FAM13C: variants seen among roughly 807,000 people sequenced by gnomAD.
FAM13C encodes family with sequence similarity 13 member C, also known as protein FAM13C.
Under a neutral mutation model 73.2 loss-of-function variants are expected in FAM13C, and 37 were observed. That is an observed-to-expected ratio of 0.51 (90% confidence interval 0.39 to 0.67). The LOEUF (loss-of-function observed/expected upper bound fraction) is 0.67. Among genes scored for constraint, FAM13C ranks in the 30% least tolerant of loss-of-function variants. The probability of loss-of-function intolerance (pLI) is 0.00; values close to 1 mark genes in which losing one functional copy is unlikely to be tolerated. For synonymous variants in FAM13C, 246 were observed against 260.9 expected, an observed-to-expected ratio of 0.94 and a Z score of 0.55; for missense variants, 589 against 715.6, an observed-to-expected ratio of 0.82 and a Z score of 2.02.
intron 4 of FAM13C, 114 bp from the exon 5 acceptor site, chr10:59,302,978 T>A: frequency 1.2e-6 from 1 of 823,824 alleles, no homozygotes; most frequent in Admixed American, 2.3e-5. Flanking sequence ...CTTGGTTGTG[T>A]CCCACTGCCT....
chr10:59,272,484 C>T (rs1451191874), intron 6 of FAM13C, among the ~76,000 whole-genome samples: 1 of 152,166 alleles, frequency 6.6e-6, no homozygotes, highest in Non-Finnish European at 1.5e-5. Context: ...GGGAAGAGTC[C>T]AGGCCACTGC....
intron 5 of FAM13C, among the ~76,000 whole-genome samples, chr10:59,297,707 C>T (rs374572938): frequency 6.6e-6 from 1 of 152,146 alleles, no homozygotes; most frequent in African/African-American, 2.4e-5. Context: ...GGATCTCAAA[C>T]CTTCTAAACA....
rs371828375 is a variant in FAM13C at position 59,269,791 on chromosome 10, G to A, written c.803+108C>T. 231 of 1,312,842 alleles carry A rather than the reference G, an allele frequency of 1.8e-4. 2 individuals carry two copies. The highest frequency in any genetic ancestry group is 4.2e-4 in the African/African-American group (29 of 68,476). The allele number at this position is 1,312,842 out of a possible 1,614,324, so 81.3% of individuals were successfully genotyped here. ...TTTATTGTTCCAGTCTCGCAGTTGC[G>A]TTAGGCAGGCACATTTGTGCTACTT... On this transcript the variant is annotated intron_variant, in intron 7 of 13. Transcript: ENST00000618804.
At chr10:59,333,565 AC>A (rs1228174426) in intron 3 of FAM13C, among the ~76,000 whole-genome samples, 1 of 152,140 alleles carries the variant, frequency 6.6e-6, no homozygotes, top group East Asian at 1.9e-4. Flanking sequence ...GGAAAAGCCC[AC>A]CTTTTATTCC....
At chr10:59,302,027 G>A (rs199522221) in intron 5 of FAM13C, among the ~76,000 whole-genome samples, 16 of 172 alleles carry the variant, frequency 0.093, no homozygotes, top group South Asian at 0.45. Context: ...ACAATTTGCG[G>A]TAAAGCCCCA....
At chr10:59,344,934 C>T (rs371475380) in intron 3 of FAM13C, among the ~76,000 whole-genome samples, 126 of 152,286 alleles carry the variant, frequency 8.3e-4, no homozygotes, top group Middle Eastern at 6.8e-3. Context: ...GCCCCATGGA[C>T]GCTCTTCTTC....
intron 4 of FAM13C, among the ~76,000 whole-genome samples, chr10:59,319,116 CACATT>C (rs1041521231): frequency 7.3e-6 from 1 of 137,842 alleles, no homozygotes; most frequent in African/African-American, 3.1e-5. Context: ...CACACACACA[CACATT>C]GTCTATCTCA....
chr10:59,261,617 C>T (rs1172820289), intron 10 of FAM13C, among the ~76,000 whole-genome samples: 1 of 151,888 alleles, frequency 6.6e-6, no homozygotes, highest in Non-Finnish European at 1.5e-5. Context: ...GTAAGAAGTT[C>T]AAGATGTAGT....
intron 5 of FAM13C, among the ~76,000 whole-genome samples, chr10:59,289,345 C>T (rs1019755876): frequency 6.6e-6 from 1 of 152,190 alleles, no homozygotes; most frequent in African/African-American, 2.4e-5. Context: ...GACCCCTGAT[C>T]TACACCACTG....
chr10:59,283,897 G>A (rs753833573), intron 5 of FAM13C, among the ~76,000 whole-genome samples: 5 of 152,198 alleles, frequency 3.3e-5, no homozygotes, highest in Non-Finnish European at 5.9e-5. Flanking sequence ...CCTGGCTACC[G>A]TTCATAAAAG....
chr10:59,354,124 T>A (rs1855410911), intron 2 of FAM13C, among the ~76,000 whole-genome samples: 1 of 152,138 alleles, frequency 6.6e-6, no homozygotes, highest in Non-Finnish European at 1.5e-5. Flanking sequence ...TCAAGAATTT[T>A]AAAAAATAGC....
intron 4 of FAM13C, among the ~76,000 whole-genome samples, chr10:59,317,696 A>T (rs1453363920): frequency 2.0e-5 from 3 of 152,072 alleles, no homozygotes; most frequent in Non-Finnish European, 4.4e-5. Context: ...ATTCTTGTCT[A>T]GCTTTCTATT....
At chr10:59,285,793 G>C (rs1194994874) in intron 5 of FAM13C, among the ~76,000 whole-genome samples, 1 of 152,182 alleles carries the variant, frequency 6.6e-6, no homozygotes, top group African/African-American at 2.4e-5. Flanking sequence ...GGTTAGATGA[G>C]GAAGCAATAC....
chr10:59,356,539 G>C (rs1253791672), intron 1 of FAM13C, among the ~76,000 whole-genome samples: 1 of 152,124 alleles, frequency 6.6e-6, no homozygotes, highest in African/African-American at 2.4e-5. Context: ...ATAGGATGAA[G>C]CCTTTGTTCC....
At chr10:59,278,000 T>C (rs1202644593) in intron 6 of FAM13C, among the ~76,000 whole-genome samples, 1 of 152,204 alleles carries the variant, frequency 6.6e-6, no homozygotes, top group Non-Finnish European at 1.5e-5. Context: ...AAGAGGTTTA[T>C]TGGACTCACA....
Position 59,312,973 on chromosome 10 carries a change from T to A in FAM13C, c.444-10109A>T, listed in dbSNP as rs866543832. Among the ~76,000 whole-genome samples, 4 of 152,308 alleles carry A rather than the reference T, an allele frequency of 2.6e-5. 1 individual carries two copies. The South Asian group carries it at 8.3e-4, about 32-fold the overall frequency. ...GATTTCATCTGTTCAGCATTTTTCA[T>A]CTCCAATCCACTTCTTCTGACATCA... On this transcript the variant is annotated intron_variant, in intron 4 of 13. Coordinates refer to ENST00000618804, the MANE Select transcript of FAM13C (RefSeq NM_198215.4).
chr10:59,327,979 T>C (rs1195561678), intron 3 of FAM13C, among the ~76,000 whole-genome samples: 1 of 152,202 alleles, frequency 6.6e-6, no homozygotes, highest in Non-Finnish European at 1.5e-5. Flanking sequence ...ATGCTTGGTC[T>C]TTCTGCCACC....
At chr10:59,331,969 TA>T (rs1267745103) in intron 3 of FAM13C, among the ~76,000 whole-genome samples, 1 of 152,018 alleles carries the variant, frequency 6.6e-6, no homozygotes, top group Non-Finnish European at 1.5e-5. Flanking sequence ...TAGGCAATGA[TA>T]AATAGAGGAG....
intron 6 of FAM13C, chr10:59,282,524 A>C (rs1007117974): frequency 2.6e-5 from 4 of 152,186 alleles, no homozygotes; most frequent in Non-Finnish European, 5.9e-5. Context: ...TGGTACTGAA[A>C]CAGATTACCT....
Sources: gnomAD v4.1 joint callset for allele counts (sites outside exome capture counted in the v4.1 genomes callset) on GRCh38, gnomAD v4.1.1 for gene constraint, MANE v1.5 for transcripts, NCBI Gene and HGNC (gene_info 2026-07-23, HGNC 2026-07-21) for gene names.